SLC24A2: variants seen among roughly 807,000 people sequenced by gnomAD.
SLC24A2 encodes sodium/potassium/calcium exchanger 2.
In SLC24A2, 36 loss-of-function variants were observed where a neutral mutation model predicts 62.0. The ratio of observed to expected loss-of-function variants is 0.58; its 90% CI spans 0.44 to 0.77. The LOEUF (loss-of-function observed/expected upper bound fraction) is 0.77, where lower values mean the gene tolerates loss of function less well. Among genes scored for constraint, SLC24A2 ranks in the 30% least tolerant of loss-of-function variants. The probability of loss-of-function intolerance (pLI) is 0.00; values close to 1 mark genes in which losing one functional copy is unlikely to be tolerated. For missense variants in SLC24A2, 846 were observed against 817.9 expected, an observed-to-expected ratio of 1.03 and a Z score of -0.42; for synonymous variants, 358 against 294.0, an observed-to-expected ratio of 1.22 and a Z score of -2.23.
chr9:19,884,800 T>C, the SLC24A2 span, among the ~76,000 whole-genome samples: 3 of 152,206 alleles, frequency 2.0e-5, no homozygotes, highest in Non-Finnish European at 4.4e-5. Flanking sequence ...TGTTAGATGA[T>C]TTTGCCCAAC....
the SLC24A2 span, among the ~76,000 whole-genome samples, chr9:20,019,781 G>A: frequency 4.0e-5 from 6 of 151,540 alleles, no homozygotes; most frequent in Admixed American, 2.6e-4. Flanking sequence ...AGAGTGAACA[G>A]GCAACCTACA....
intron 2 of SLC24A2, among the ~76,000 whole-genome samples, chr9:19,716,348 A>G (rs1243369124): frequency 6.6e-6 from 1 of 152,180 alleles, no homozygotes; most frequent in East Asian, 1.9e-4. Flanking sequence ...TGGCTTATTC[A>G]TTATTTCATT....
At chr9:20,287,471 A>G in the SLC24A2 span, among the ~76,000 whole-genome samples, 1 of 152,182 alleles carries the variant, frequency 6.6e-6, no homozygotes, top group Non-Finnish European at 1.5e-5. Flanking sequence ...GTTGCAGGAA[A>G]CCAGCTCTAT....
the SLC24A2 span, among the ~76,000 whole-genome samples, chr9:20,029,933 G>A: frequency 7.2e-5 from 11 of 152,194 alleles, no homozygotes; most frequent in African/African-American, 9.7e-5. Flanking sequence ...GTTGCACAAA[G>A]GGTGCTGTGG....
At chr9:19,972,862 A>C in the SLC24A2 span, among the ~76,000 whole-genome samples, 1 of 152,228 alleles carries the variant, frequency 6.6e-6, no homozygotes, top group African/African-American at 2.4e-5. Flanking sequence ...GAAGAGCAGC[A>C]GGACTCAAAC....
chr9:20,262,349 T>C, the SLC24A2 span, among the ~76,000 whole-genome samples: 2,447 of 152,296 alleles, frequency 0.016, 74 homozygotes, highest in African/African-American at 0.055. Flanking sequence ...GTCTATAACA[T>C]GAGAATAATC....
At chr9:19,896,765 C>T in the SLC24A2 span, among the ~76,000 whole-genome samples, 1 of 152,282 alleles carries the variant, frequency 6.6e-6, no homozygotes, top group Non-Finnish European at 1.5e-5. Context: ...ACAGGTGTTA[C>T]TTAGCTTTGC....
At chr9:19,707,807 G>C (rs569108403) in intron 2 of SLC24A2, among the ~76,000 whole-genome samples, 1 of 152,208 alleles carries the variant, frequency 6.6e-6, no homozygotes, top group Non-Finnish European at 1.5e-5. Flanking sequence ...CATACTGAAT[G>C]GGCAAAAACT....
At chr9:20,257,706 T>G in the SLC24A2 span, among the ~76,000 whole-genome samples, 1 of 152,196 alleles carries the variant, frequency 6.6e-6, no homozygotes, top group Non-Finnish European at 1.5e-5. Flanking sequence ...ATCTGTAAAA[T>G]GAGAGCAAAA....
the SLC24A2 span, among the ~76,000 whole-genome samples, chr9:20,130,512 G>A: frequency 6.6e-6 from 1 of 151,958 alleles, no homozygotes; most frequent in African/African-American, 2.4e-5. Context: ...CCTAAGGCAG[G>A]AAAGGCTTTG....
the SLC24A2 span, among the ~76,000 whole-genome samples, chr9:20,035,783 G>C: frequency 2.0e-5 from 3 of 152,062 alleles, no homozygotes; most frequent in Non-Finnish European, 2.9e-5. Flanking sequence ...AATTGAAATG[G>C]ACATCTCTCT....
upstream of SLC24A2, among the ~76,000 whole-genome samples, chr9:19,790,381 C>A (rs1177782030): frequency 1.3e-5 from 2 of 152,076 alleles, no homozygotes; most frequent in Admixed American, 1.3e-4. Flanking sequence ...CCTATGTCAT[C>A]ATTTTGAAGC....
At chr9:19,702,779 GTTTA>G (rs1440503583) in intron 2 of SLC24A2, among the ~76,000 whole-genome samples, 1 of 152,014 alleles carries the variant, frequency 6.6e-6, no homozygotes, top group Admixed American at 6.6e-5. Context: ...AAATTTAAAT[GTTTA>G]TTTAAAAAGT....
the SLC24A2 span, among the ~76,000 whole-genome samples, chr9:20,007,691 C>G: frequency 3.4e-4 from 51 of 152,022 alleles, 1 homozygote; most frequent in African/African-American, 1.2e-3. Flanking sequence ...TCCCTTTGGG[C>G]ATATTCCATT....
At chr9:19,913,891 T>G in the SLC24A2 span, among the ~76,000 whole-genome samples, 1 of 152,012 alleles carries the variant, frequency 6.6e-6, no homozygotes, top group East Asian at 1.9e-4. Flanking sequence ...TTTTTTTAAT[T>G]TTTGTTTTCC....
At chr9:19,954,438 G>C in the SLC24A2 span, among the ~76,000 whole-genome samples, 1 of 152,024 alleles carries the variant, frequency 6.6e-6, no homozygotes, top group African/African-American at 2.4e-5. Flanking sequence ...AAAGGGAATG[G>C]TACCAATAGT....
chr9:20,148,021 A>G, the SLC24A2 span, among the ~76,000 whole-genome samples: 8 of 152,160 alleles, frequency 5.3e-5, no homozygotes, highest in Admixed American at 2.0e-4. Context: ...AGTCTAAAGA[A>G]TCTCCTGTGT....
the SLC24A2 span, among the ~76,000 whole-genome samples, chr9:20,182,725 A>G: frequency 6.6e-6 from 1 of 152,198 alleles, no homozygotes; most frequent in African/African-American, 2.4e-5. Context: ...AGGCACATGT[A>G]TACCTACGTA....
chr9:20,097,037 T>C, the SLC24A2 span, among the ~76,000 whole-genome samples: 1 of 152,218 alleles, frequency 6.6e-6, no homozygotes, highest in African/African-American at 2.4e-5. Context: ...CTGATTTTCA[T>C]CCACTGTAAA....
Sources: allele counts gnomAD v4.1 joint callset (sites outside exome capture counted in the v4.1 genomes callset), GRCh38; gene constraint gnomAD v4.1.1; transcripts MANE v1.5; gene names NCBI Gene and HGNC (gene_info 2026-07-23, HGNC 2026-07-21).